Variants in DET1 observed in about 807,000 individuals in gnomAD.
DET1 encodes the protein DET1 partner of COP1 E3 ubiquitin ligase.
In DET1, 22 loss-of-function variants were observed where a neutral mutation model predicts 43.7. That is an observed-to-expected ratio of 0.50 (90% CI 0.36 to 0.72). The LOEUF (loss-of-function observed/expected upper bound fraction) is 0.72. Ranked by LOEUF, DET1 falls within the 30% of genes least tolerant of loss-of-function variation. The pLI, the probability that DET1 is intolerant of heterozygous loss-of-function variation, is 0.00. For synonymous variants in DET1, 315 were observed against 266.2 expected (o/e 1.18, Z -1.79); for missense variants, 713 against 713.3 (o/e 1.00, Z 0.00).
At chr15:88,526,741 G>C (rs2056673968) in intron 3 of DET1, among the ~76,000 whole-genome samples, 1 of 152,162 alleles carries the variant, frequency 6.6e-6, no homozygotes, top group African/African-American at 2.4e-5. Context: ...TCATGAACTT[G>C]AGACCAGAGC....
intron 1 of DET1, among the ~76,000 whole-genome samples, chr15:88,543,313 G>A (rs979780572): frequency 6.6e-6 from 1 of 152,184 alleles, no homozygotes; most frequent in Non-Finnish European, 1.5e-5. Context: ...AGTTAATTCT[G>A]GGCCAGGATT....
intron 3 of DET1, 68 bp downstream of exon 3, chr15:88,527,531 A>G (rs1452887654): frequency 7.0e-7 from 1 of 1,420,402 alleles, no homozygotes. Flanking sequence ...TTTCCTAGAG[A>G]CAACAGCTAT....
chr15:88,541,251 C>T (rs1363138385), intron 1 of DET1, among the ~76,000 whole-genome samples: 1 of 150,712 alleles, frequency 6.6e-6, no homozygotes. Context: ...GATGCAAAGA[C>T]CTTTGTTCAC....
At chr15:88,530,175 A>T (rs993946352) in intron 2 of DET1, among the ~76,000 whole-genome samples, 1 of 152,262 alleles carries the variant, frequency 6.6e-6, no homozygotes, top group Non-Finnish European at 1.5e-5. Context: ...AAGTAAATTG[A>T]CATTAACCAT....
At chr15:88,502,113 T>C (rs947538505) in intron 8 of DET1, 4 of 152,236 alleles carry the variant, frequency 2.6e-5, no homozygotes, top group African/African-American at 9.6e-5. Context: ...TCACACTGAA[T>C]GATAGAGGCA....
intron 1 of DET1, among the ~76,000 whole-genome samples, chr15:88,533,188 C>T (rs1033594654): frequency 1.4e-4 from 21 of 152,130 alleles, no homozygotes; most frequent in African/African-American, 5.1e-4. Flanking sequence ...GATAGATGCT[C>T]AACATCACTA....
chr15:88,542,838 C>T (rs749000339), intron 1 of DET1, among the ~76,000 whole-genome samples: 4 of 152,244 alleles, frequency 2.6e-5, no homozygotes, highest in East Asian at 3.9e-4. Context: ...TAGGAAAAGA[C>T]CAATGTGCCT....
At chr15:88,544,671 C>G (rs751205178) in intron 1 of DET1, among the ~76,000 whole-genome samples, 33 of 152,186 alleles carry the variant, frequency 2.2e-4, no homozygotes, top group Admixed American at 6.5e-4. Flanking sequence ...AGGTGGATGG[C>G]ATTCCTGCTT....
chr15:88,502,802 A>C (rs1484448775), intron 8 of DET1: 1 of 152,222 alleles, frequency 6.6e-6, no homozygotes, highest in Non-Finnish European at 1.5e-5. Flanking sequence ...AGGACAAGGC[A>C]CCTCTTTCTA....
rs1198712729 is a variant in DET1, at chr15:88,516,118, T to G, written c.1463+664A>C. On this transcript the variant is annotated intron_variant, in intron 4 of 4. Transcript: ENST00000268148. The surrounding 1 kb of genome is among the most constrained non-coding windows in gnomAD (Gnocchi z 4.4). ...TCTGTGTGAAAAAGACCTTCCAAGC[T>G]CCAGCCTATAGCCTCAGGAACACAC... Among the ~76,000 whole-genome samples the G allele has an allele frequency of 6.6e-6, 1 of 152,122 alleles. No individual in the cohort carries two copies. Among genetic ancestry groups the G allele is most frequent in the African/African-American group, 2.4e-5 (1 of 41,430 alleles).
Position 88,516,642 on chromosome 15 carries a change from T to G in DET1, c.1463+140A>C. The G allele has an allele frequency of 1.5e-6, 1 of 676,450 alleles. No individual in the cohort carries two copies. The highest frequency in any genetic ancestry group is 2.3e-6 in the Non-Finnish European group (1 of 437,210). 41.9% of individuals were successfully genotyped at this position (676,450 alleles called of 1,614,324 possible). A position where few individuals can be genotyped will look rare whatever the true frequency, so the allele number is the denominator to read the frequency against. On this transcript the variant is annotated intron_variant, in intron 4 of 4. Coordinates refer to ENST00000268148, the MANE Select transcript of DET1 (RefSeq NM_001144074.3). This position sits in a 1 kb window ranked among gnomAD's most constrained non-coding sequence, Gnocchi z 4.4. ...TAAATGATCACAGCTCTCACTGCATTATAGAAATAGCCTGCCTTTTCAACC... is the reference window on the plus strand; with the variant it reads ...TAAATGATCACAGCTCTCACTGCATGATAGAAATAGCCTGCCTTTTCAACC...
At chr15:88,511,061 C>G (rs920089198), downstream of DET1, among the ~76,000 whole-genome samples, 28 of 152,138 alleles carry the variant, frequency 1.8e-4, no homozygotes, top group Admixed American at 1.3e-4. Context: ...CATGAGCCAC[C>G]ACGCCTGGCT....
chr15:88,514,176 T>C (rs897923111), intron 4 of DET1, among the ~76,000 whole-genome samples: 3 of 152,208 alleles, frequency 2.0e-5, no homozygotes, highest in African/African-American at 7.2e-5. Context: ...TCTTCTAATA[T>C]GTGAGACTAA....
chr15:88,537,424 C>T (rs2056981901), intron 1 of DET1, among the ~76,000 whole-genome samples: 1 of 152,108 alleles, frequency 6.6e-6, no homozygotes, highest in South Asian at 2.1e-4. Context: ...CACCATGGAC[C>T]TCCCTGGCTC....
intron 3 of DET1, among the ~76,000 whole-genome samples, chr15:88,517,680 G>C (rs556963479): frequency 2.6e-5 from 4 of 152,252 alleles, no homozygotes; most frequent in African/African-American, 9.6e-5. Flanking sequence ...GACTGAATTA[G>C]GAAGGAGTTA....
At chr15:88,517,314 C>T (rs866145976) in intron 3 of DET1, among the ~76,000 whole-genome samples, 40 of 151,096 alleles carry the variant, frequency 2.6e-4, no homozygotes, top group African/African-American at 9.0e-4. Flanking sequence ...CAGCCTTGAC[C>T]TCCCAGGCTC....
chr15:88,503,993 T>TC (rs74776308), intron 7 of DET1: 87,933 of 149,468 alleles, frequency 0.59, 26,581 homozygotes, highest in South Asian at 0.71. Context: ...AGACCCTGTC[T>TC]TAAAAAAAAA....
chr15:88,519,249 C>T (rs2056426667), intron 3 of DET1, among the ~76,000 whole-genome samples: 1 of 152,150 alleles, frequency 6.6e-6, no homozygotes. Context: ...AGCAGTCACT[C>T]TCTTCGATGT....
intron 3 of DET1, among the ~76,000 whole-genome samples, chr15:88,523,495 G>A (rs1412949417): frequency 1.3e-5 from 2 of 152,116 alleles, no homozygotes; most frequent in African/African-American, 2.4e-5. Context: ...GCCAAGCCGA[G>A]GCTGAACTGT....
Sources: gnomAD v4.1 joint callset for allele counts (sites outside exome capture counted in the v4.1 genomes callset) on GRCh38, gnomAD v4.1.1 for gene constraint, Gnocchi (gnomAD v3.1) non-coding constraint, MANE v1.5 for transcripts, NCBI Gene and HGNC (gene_info 2026-07-23, HGNC 2026-07-21) for gene names.